Variants in DSN1 observed in about 807,000 individuals in gnomAD.
DSN1 encodes kinetochore-associated protein DSN1 homolog.
A neutral mutation model predicts 45.7 loss-of-function variants in DSN1; 31 were observed. The observed-to-expected ratio is 0.68, with a 90% CI of 0.51 to 0.92. DSN1 has a LOEUF of 0.92. DSN1 is among the 40% of genes least tolerant of loss of function. The pLI is 0.00. For synonymous variants in DSN1, 134 were observed against 142.3 expected (o/e 0.94, Z 0.41); for missense variants, 394 against 414.2 (o/e 0.95, Z 0.42).
At chr20:36,771,317 A>T in intron 2 of DSN1, 108 bp downstream of exon 2, 1 of 1,483,034 alleles carries the variant, frequency 6.7e-7, no homozygotes, top group Non-Finnish European at 9.2e-7. Context: ...CATCTCTGCA[A>T]ATAATGAGTA....
intron 8 of DSN1, among the ~76,000 whole-genome samples, chr20:36,757,885 G>A (rs765953721): frequency 6.6e-6 from 1 of 152,216 alleles, no homozygotes; most frequent in South Asian, 2.1e-4. Context: ...TTCTTGGACT[G>A]AAAATAGTGA....
chr20:36,755,468 A>G (rs1357326255), intron 9 of DSN1, among the ~76,000 whole-genome samples: 1 of 151,856 alleles, frequency 6.6e-6, no homozygotes, highest in Non-Finnish European at 1.5e-5. Context: ...CAACCTCCCT[A>G]TACTGTCTGT....
chr20:36,752,751 T>A lies in DSN1; in HGVS notation c.*37A>T. 1 of 1,569,168 alleles carries A rather than the reference T, an allele frequency of 6.4e-7. No individual in the cohort carries two copies. Among genetic ancestry groups the A allele is most frequent in the Non-Finnish European group, 8.8e-7 (1 of 1,139,852 alleles). ...TGCTGGGGCACTCTTCCCATTCCTC[T>A]CCTCTTGGGCACCTTGTGGCAGAAA... On this transcript the variant is annotated 3_prime_UTR_variant, in exon 11 of 11. Transcript: ENST00000373750.
chr20:36,767,830 A>T, intron 4 of DSN1, 139 bp downstream of exon 4: 1 of 741,136 alleles, frequency 1.3e-6, no homozygotes, highest in Non-Finnish European at 2.2e-6. Context: ...TGAACCTGGG[A>T]GGCGGAGGTT....
rs773394677 is a variant in DSN1 at position 36,752,848 on chromosome 20, C to T, written c.1011G>A (p.Leu337=). 3 of 1,614,178 alleles carry T rather than the reference C, an allele frequency of 1.9e-6. No individual in the cohort carries two copies. The East Asian group carries it at 6.7e-5, about 36-fold the overall frequency. ...QLDPSPARKL[L]KLQLQNPPAI... ...CAGGTGGGTTCTGTAGCTGAAGCTT[C>T]AACAGTTTTCGAGCTGGTGAGGGAT... is the stretch of plus-strand genomic sequence containing the variant. Residue 337 remains leucine (L), a synonymous_variant, in exon 11 of 11, where the codon TTG becomes TTA. Coordinates refer to ENST00000373750, the MANE Select transcript of DSN1 (RefSeq NM_001145315.2).
chr20:36,761,312 C>T (rs936202869), intron 6 of DSN1, among the ~76,000 whole-genome samples: 2 of 152,172 alleles, frequency 1.3e-5, no homozygotes, highest in African/African-American at 4.8e-5. Context: ...TATTTACTGA[C>T]CTAGATTATC....
At chr20:36,762,580 A>G (rs1243686600) in intron 5 of DSN1, 32 bp from the exon 6 acceptor site, 1 of 1,592,680 alleles carries the variant, frequency 6.3e-7, no homozygotes, top group Non-Finnish European at 8.6e-7. Context: ...GTCATAAAAT[A>G]AAGGAAATAT....
In DSN1 at chr20:36,755,703, G is replaced by T; in HGVS notation, c.852C>A (p.Val284=). The change falls in exon 9 of 11, where the codon GTC becomes GTA. Residue 284 remains valine, a synonymous_variant. Transcript: ENST00000373750. Reference sequence around the variant, plus strand: ...TTACCACCAACTCCATACAGTCAAAGACTTTGCTCTGGTTCTGTAATATTT... The same window carrying T: ...TTACCACCAACTCCATACAGTCAAATACTTTGCTCTGGTTCTGTAATATTT... The part of the protein sequence containing the change: ...YQKILQNQSK[V]FDCMELVMDE... The T allele has an allele frequency of 6.2e-7, 1 of 1,613,906 alleles. No homozygotes were observed. Among genetic ancestry groups the T allele is most frequent in the South Asian group, 1.1e-5 (1 of 91,072 alleles).
At chr20:36,762,070 A>C (rs1033085198) in intron 6 of DSN1, among the ~76,000 whole-genome samples, 9 of 151,864 alleles carry the variant, frequency 5.9e-5, no homozygotes, top group Non-Finnish European at 1.2e-4. Flanking sequence ...GTGAATGAAC[A>C]ACTATCTAAT....
intron 1 of DSN1, 102 bp from the exon 2 acceptor site, chr20:36,771,575 C>T: frequency 2.9e-6 from 3 of 1,049,494 alleles, no homozygotes; most frequent in Non-Finnish European, 4.3e-6. Context: ...TTTCCAGCCT[C>T]TCTGAGCTAC....
At chr20:36,752,973 A>G (rs1986453946) in intron 10 of DSN1, 76 bp from the exon 11 acceptor site, 5 of 1,163,680 alleles carry the variant, frequency 4.3e-6, no homozygotes, top group South Asian at 1.3e-5. Context: ...ATGTAGGGAC[A>G]TTGTGACACA....
chr20:36,765,729 C>T (rs1432545866), intron 5 of DSN1, among the ~76,000 whole-genome samples: 41 of 147,622 alleles, frequency 2.8e-4, no homozygotes, highest in African/African-American at 9.5e-4. Context: ...ACCCGGGAGG[C>T]GGAGCTTGCA....
rs1442212985 is a variant in DSN1, at chr20:36,770,998, G to A, written c.230C>T (p.Ser77Phe). The change falls in exon 3 of 11, where the codon TCC (serine) becomes TTC (phenylalanine). Residue 77 changes from serine (S) to phenylalanine (F), a missense_variant. By Grantham distance (155) the Ser-to-Phe change is radical (BLOSUM62 -2). Coordinates refer to ENST00000373750, the MANE Select transcript of DSN1 (RefSeq NM_001145315.2). ...LSHQERLQSK[S>F]LHLSPQEQSA... ...TTGTTCTTGAGGAGACAAATGAAGGGACTTCGACTGAAGTCTTTCCTGGTG... is the reference window on the plus strand; with the variant it reads ...TTGTTCTTGAGGAGACAAATGAAGGAACTTCGACTGAAGTCTTTCCTGGTG... 2 of 1,614,202 alleles carry A rather than the reference G, an allele frequency of 1.2e-6. No individual in the cohort carries two copies. Among genetic ancestry groups the A allele is most frequent in the Non-Finnish European group, 1.7e-6 (2 of 1,180,038 alleles).
At chr20:36,770,801 C>A in intron 3 of DSN1, 72 bp downstream of exon 3, 1 of 1,502,228 alleles carries the variant, frequency 6.7e-7, no homozygotes, top group Non-Finnish European at 8.9e-7. Context: ...TACCTCACTG[C>A]CTCTTATCTG....
chr20:36,758,302 C>A (rs1986784158), intron 7 of DSN1, 141 bp from the exon 8 acceptor site: 3 of 833,904 alleles, frequency 3.6e-6, no homozygotes, highest in East Asian at 2.7e-5. Flanking sequence ...AAAGCCTGAC[C>A]AATTCAGAGA....
At chr20:36,767,904 A>C (rs1987434504) in intron 4 of DSN1, 65 bp downstream of exon 4, 2 of 1,544,592 alleles carry the variant, frequency 1.3e-6, no homozygotes, top group Non-Finnish European at 1.8e-6. Flanking sequence ...TCCATCTAAA[A>C]ACAAAAGATT....
Position 36,755,672 on chromosome 20 carries a change from G to A in DSN1, c.873+10C>T. The A allele has an allele frequency of 1.9e-6, 3 of 1,608,948 alleles. No individual in the cohort carries two copies. Among genetic ancestry groups the A allele is most frequent in the Non-Finnish European group, 2.5e-6 (3 of 1,177,988 alleles). On this transcript the variant is annotated intron_variant, in intron 9 of 10. Coordinates refer to ENST00000373750, the MANE Select transcript of DSN1 (RefSeq NM_001145315.2). Reference sequence around the variant, plus strand: ...GGATAACTCAACTAAATAAACATGAGCCCACTTACCACCAACTCCATACAG... The same window carrying A: ...GGATAACTCAACTAAATAAACATGAACCCACTTACCACCAACTCCATACAG...
intron 6 of DSN1, among the ~76,000 whole-genome samples, chr20:36,759,765 G>A (rs928771197): frequency 2.0e-5 from 3 of 152,098 alleles, no homozygotes; most frequent in African/African-American, 4.8e-5. Flanking sequence ...TTACAAGCAT[G>A]AGCCACTGTG....
At chr20:36,759,489 TTTC>T (rs1199441778) in intron 6 of DSN1, among the ~76,000 whole-genome samples, 1 of 152,024 alleles carries the variant, frequency 6.6e-6, no homozygotes, top group Non-Finnish European at 1.5e-5. Context: ...AGGTAATAAC[TTTC>T]TTTTTTTTTG....
Sources: gnomAD v4.1 joint callset for allele counts (sites outside exome capture counted in the v4.1 genomes callset) on GRCh38, gnomAD v4.1.1 for gene constraint, MANE v1.5 for transcripts, NCBI Gene and HGNC (gene_info 2026-07-23, HGNC 2026-07-21) for gene names.